BCAS3: variants seen among roughly 807,000 people sequenced by gnomAD.
The protein encoded by BCAS3 is BCAS4/BCAS3 fusion.
In BCAS3, 53 loss-of-function variants were observed where a neutral mutation model predicts 116.1. That is an observed-to-expected ratio of 0.46 (90% CI 0.37 to 0.57). The LOEUF (loss-of-function observed/expected upper bound fraction) is 0.57, where lower values mean the gene tolerates loss of function less well. BCAS3 is among the 20% of genes least tolerant of loss of function. The pLI is 0.00. For missense variants in BCAS3, 917 were observed against 1,165.4 expected (o/e 0.79, Z 3.10); for synonymous variants, 391 against 408.2 (o/e 0.96, Z 0.51).
rs147187191 is a variant in BCAS3 at position 60,785,121 on chromosome 17, C to T, written c.404-22883C>T. On this transcript the variant is annotated intron_variant, in intron 6 of 23. Coordinates refer to ENST00000407086, the MANE Select transcript of BCAS3 (RefSeq NM_017679.5). ...CTCAAAAAAAAAGTATCTAGCAATC[C>T]CAAACATGCCCTTTTAACTTAGGAG... 2.2e-3 allele frequency among the ~76,000 whole-genome samples: 331 copies of T among 152,186 alleles called. 6 individuals are homozygous for T. Among genetic ancestry groups the T allele is most frequent in the South Asian group, 0.016 (78 of 4,818 alleles).
intron 22 of BCAS3, among the ~76,000 whole-genome samples, chr17:61,320,654 C>T (rs917671445): frequency 1.3e-5 from 2 of 149,130 alleles, no homozygotes; most frequent in Non-Finnish European, 3.0e-5. Context: ...CCAGCCTGGG[C>T]GACAGAGCGA....
At chr17:60,818,891 G>A (rs1248120968) in intron 7 of BCAS3, among the ~76,000 whole-genome samples, 3 of 152,026 alleles carry the variant, frequency 2.0e-5, no homozygotes, top group Non-Finnish European at 4.4e-5. Context: ...GGATGGGTTA[G>A]CATACCAGGT....
At position 61,286,751 on chromosome 17, in the gene BCAS3, C is replaced by T. The variant is rs778384692; in HGVS notation, c.2426-81576C>T. Among the ~76,000 whole-genome samples, 2 of 152,174 alleles carry T rather than the reference C, an allele frequency of 1.3e-5. No individual in the cohort carries two copies. Among genetic ancestry groups the T allele is most frequent in the Admixed American group, 6.5e-5 (1 of 15,270 alleles). ...TATGTTTGGTCTCTAAACTCTGCCA[C>T]GGGCTTACCAGAGTGAGAAGTTAGC... is the stretch of plus-strand genomic sequence containing the variant. On this transcript the variant is annotated intron_variant, in intron 22 of 23. Transcript: ENST00000407086. This position sits in a 1 kb window ranked among gnomAD's most constrained non-coding sequence, Gnocchi z 4.8.
chr17:61,311,738 C>G (rs1974592), intron 22 of BCAS3, among the ~76,000 whole-genome samples: 40,818 of 151,800 alleles, frequency 0.27, 7,510 homozygotes, highest in African/African-American at 0.53. Context: ...ACTAAAAATA[C>G]AAAAAATTAG....
intron 13 of BCAS3, among the ~76,000 whole-genome samples, chr17:60,935,205 A>C (rs1234654880): frequency 1.3e-5 from 2 of 152,162 alleles, no homozygotes; most frequent in African/African-American, 4.8e-5. Flanking sequence ...CATGCATCTG[A>C]AGTCTAAAAA....
rs1047602113 is a variant in BCAS3 at position 61,041,208 on chromosome 17, G to A, written c.2029+316G>A. On this transcript the variant is annotated intron_variant, in intron 19 of 23. Transcript: ENST00000407086. This position sits in a 1 kb window ranked among gnomAD's most constrained non-coding sequence, Gnocchi z 4.7. ...TGAAAATGCTAGGATATAATAAAAA[G>A]TTTCATAAAGCTTGGAATCTGTTTC... 6.6e-6 allele frequency among the ~76,000 whole-genome samples: 1 copy of A among 151,006 alleles called. No individual in the cohort carries two copies. The highest frequency in any genetic ancestry group is 2.4e-5 in the African/African-American group (1 of 40,992).
chr17:60,828,701 T>C (rs951048754), intron 7 of BCAS3, among the ~76,000 whole-genome samples: 2 of 152,236 alleles, frequency 1.3e-5, no homozygotes, highest in Admixed American at 6.5e-5. Context: ...GCCATTTAGA[T>C]ATGAATTTTA....
At position 61,008,243 on chromosome 17, in the gene BCAS3, TA is replaced by T. The variant is rs1159837735; in HGVS notation, c.1487-7505del. 1.3e-5 allele frequency among the ~76,000 whole-genome samples: 2 copies of T among 151,880 alleles called. No individual in the cohort carries two copies. Among genetic ancestry groups the T allele is most frequent in the African/African-American group, 4.8e-5 (2 of 41,364 alleles). Reference sequence around the variant, plus strand: ...CTGGAACATGCCTGAGAAAAGGTCATAAAGGAGGGTGAAAGTCCTGGAACTG... The same window carrying T: ...CTGGAACATGCCTGAGAAAAGGTCATAAGGAGGGTGAAAGTCCTGGAACTG... On this transcript the variant is annotated intron_variant, in intron 15 of 23. Coordinates refer to ENST00000407086, the MANE Select transcript of BCAS3 (RefSeq NM_017679.5). This position sits in a 1 kb window ranked among gnomAD's most constrained non-coding sequence, Gnocchi z 4.6.
Position 61,198,569 on chromosome 17 carries a change from T to C in BCAS3, c.2425+114005T>C, listed in dbSNP as rs1007131634. Among the ~76,000 whole-genome samples, 3 of 152,254 alleles carry C rather than the reference T, an allele frequency of 2.0e-5. No homozygotes were observed. Among genetic ancestry groups the C allele is most frequent in the Non-Finnish European group, 4.4e-5 (3 of 68,050 alleles). ...TTTACACAATAGATCAGTTAAGTTT[T>C]GCAAGAAGGTGAAAGTAGACAAACA... On this transcript the variant is annotated intron_variant, in intron 22 of 23. Transcript: ENST00000407086. The surrounding 1 kb of genome is among the most constrained non-coding windows in gnomAD (Gnocchi z 5.0).
rs1245850027 is a variant in BCAS3, at chr17:61,095,720, G to C, written c.2425+11156G>C. Among the ~76,000 whole-genome samples, 1 of 151,964 alleles carries C rather than the reference G, an allele frequency of 6.6e-6. No individual in the cohort carries two copies. Among genetic ancestry groups the C allele is most frequent in the Admixed American group, 6.6e-5 (1 of 15,264 alleles). ...GAGCTCAAGTGATCTGCCCACCTTG[G>C]CTTCCCAAAGTGCTGGGATTACAGG... is the stretch of plus-strand genomic sequence containing the variant. On this transcript the variant is annotated intron_variant, in intron 22 of 23. Transcript: ENST00000407086. The surrounding 1 kb of genome is among the most constrained non-coding windows in gnomAD (Gnocchi z 4.7).
chr17:61,045,184 T>A (rs983874461), intron 19 of BCAS3, among the ~76,000 whole-genome samples: 1 of 152,050 alleles, frequency 6.6e-6, no homozygotes, highest in Non-Finnish European at 1.5e-5. Context: ...TGGTACAATT[T>A]ACAAAACCTT....
At position 61,118,717 on chromosome 17, in the gene BCAS3, G is replaced by GT. The variant is rs952040165; in HGVS notation, c.2425+34161dup. Among the ~76,000 whole-genome samples, 26 of 151,972 alleles carry GT rather than the reference G, an allele frequency of 1.7e-4. No individual in the cohort carries two copies. The highest frequency in any genetic ancestry group is 5.9e-4 in the Admixed American group (9 of 15,250). On this transcript the variant is annotated intron_variant, in intron 22 of 23. Transcript: ENST00000407086. This position sits in a 1 kb window ranked among gnomAD's most constrained non-coding sequence, Gnocchi z 5.0. ...CTGTCTTGCTAGGCTACACATTCCT[G>GT]TTTTTTTTGGCAAGAGAGAGCAGCC...
intron 23 of BCAS3, among the ~76,000 whole-genome samples, chr17:61,382,324 G>A (rs1340595378): frequency 2.0e-5 from 3 of 150,602 alleles, no homozygotes; most frequent in Non-Finnish European, 3.0e-5. Flanking sequence ...GCAATGGCAC[G>A]ACCTCAGCTC....
In BCAS3 at chr17:60,814,306, T is replaced by TGTGCGCGCGCGCGTGTGCGC. The variant is rs368289350; in HGVS notation, c.476+6231_476+6232insTGCGCGCGCGCGTGTGCGCG. ...GTGTGTGTGTGTGTGTGTGTGTGTG[T>TGTGCGCGCGCGCGTGTGCGC]GCGCGCGTGCCCATTGCAAATGGGA... On this transcript the variant is annotated intron_variant, in intron 7 of 23. Transcript: ENST00000407086. Among the ~76,000 whole-genome samples, 703 of 148,276 alleles carry TGTGCGCGCGCGCGTGTGCGC rather than the reference T, an allele frequency of 4.7e-3. 3 individuals carry two copies. Among genetic ancestry groups the TGTGCGCGCGCGCGTGTGCGC allele is most frequent in the Middle Eastern group, 0.011 (3 of 282 alleles).
chr17:60,866,476 A>C (rs192589981), intron 7 of BCAS3, among the ~76,000 whole-genome samples: 1 of 152,160 alleles, frequency 6.6e-6, no homozygotes, highest in African/African-American at 2.4e-5. Flanking sequence ...TTTATGAGAC[A>C]TATAGATATA....
chr17:60,975,151 G>A lies in BCAS3; in HGVS notation c.1222-14820G>A, dbSNP rs371375710. The stretch of plus-strand genomic sequence containing the variant: ...CGAGTAGCTGGGACTACAGGCGCCC[G>A]CCACCGCGCCCGGCTAATTTTTTGT... On this transcript the variant is annotated intron_variant, in intron 14 of 23. Transcript: ENST00000407086. Among the ~76,000 whole-genome samples, 538 of 151,550 alleles carry A rather than the reference G, an allele frequency of 3.5e-3. 10 individuals are homozygous for A. In the South Asian group the frequency reaches 0.047, roughly 13 times the overall value.
Position 61,131,295 on chromosome 17 carries a change from C to T in BCAS3, c.2425+46731C>T, listed in dbSNP as rs1339263506. Among the ~76,000 whole-genome samples the T allele has an allele frequency of 1.3e-5, 2 of 152,152 alleles. No homozygotes were observed. Among genetic ancestry groups the T allele is most frequent in the Non-Finnish European group, 2.9e-5 (2 of 68,020 alleles). On this transcript the variant is annotated intron_variant, in intron 22 of 23. Coordinates refer to ENST00000407086, the MANE Select transcript of BCAS3 (RefSeq NM_017679.5). This position sits in a 1 kb window ranked among gnomAD's most constrained non-coding sequence, Gnocchi z 4.4. ...TAGAGAGTTCTTACTTGGAAAGTTTCATTTCCTAATGACATCACTGAAACA... is the reference window on the plus strand; with the variant it reads ...TAGAGAGTTCTTACTTGGAAAGTTTTATTTCCTAATGACATCACTGAAACA...
intron 12 of BCAS3, 118 bp downstream of exon 12, chr17:60,910,820 G>C (rs2058453601): frequency 2.1e-6 from 2 of 950,944 alleles, no homozygotes. Flanking sequence ...TAGGAATTCA[G>C]ATTATTTCAA....
intron 15 of BCAS3, among the ~76,000 whole-genome samples, chr17:61,014,715 A>G (rs79929685): frequency 0.052 from 7,955 of 152,088 alleles, 741 homozygotes; most frequent in African/African-American, 0.18. Flanking sequence ...TGAGGATGAC[A>G]TAATTATGTA....
Sources: allele counts gnomAD v4.1 joint callset (sites outside exome capture counted in the v4.1 genomes callset), GRCh38; gene constraint gnomAD v4.1.1; non-coding constraint Gnocchi (gnomAD v3.1); transcripts MANE v1.5; gene names NCBI Gene and HGNC (gene_info 2026-07-23, HGNC 2026-07-21).